FRMD4B: variants seen among roughly 807,000 people sequenced by gnomAD.
FRMD4B encodes FERM domain-containing protein 4B.
A neutral mutation model predicts 141.5 loss-of-function variants in FRMD4B; 74 were observed. The ratio of observed to expected loss-of-function variants is 0.52; its 90% CI spans 0.43 to 0.63. FRMD4B has a LOEUF of 0.63. Ranked by LOEUF, FRMD4B falls within the 30% of genes least tolerant of loss-of-function variation. FRMD4B has a pLI of 0.00. For missense variants in FRMD4B, 1,366 were observed against 1,253.4 expected, an observed-to-expected ratio of 1.09 and a Z score of -1.36; for synonymous variants, 506 against 467.9, an observed-to-expected ratio of 1.08 and a Z score of -1.05.
intron 1 of FRMD4B, among the ~76,000 whole-genome samples, chr3:69,328,552 T>C (rs988010718): frequency 2.0e-5 from 3 of 152,052 alleles, no homozygotes; most frequent in South Asian, 2.1e-4. Context: ...CAGGATGAGA[T>C]AGGAGGTCAG....
At chr3:69,426,321 CGT>C (rs55653336) in intron 2 of FRMD4B, among the ~76,000 whole-genome samples, 60 of 149,562 alleles carry the variant, frequency 4.0e-4, no homozygotes, top group Admixed American at 7.3e-4. Flanking sequence ...CTTTTAAAAG[CGT>C]GTGTGTGTGT....
At chr3:69,241,914 A>G (rs553079718) in intron 7 of FRMD4B, among the ~76,000 whole-genome samples, 40 of 152,104 alleles carry the variant, frequency 2.6e-4, no homozygotes, top group African/African-American at 8.7e-4. Flanking sequence ...CCCCCAAAAA[A>G]CAAAAAAGGA....
At chr3:69,354,432 CT>C (rs1252450368) in intron 1 of FRMD4B, among the ~76,000 whole-genome samples, 1 of 152,072 alleles carries the variant, frequency 6.6e-6, no homozygotes, top group East Asian at 1.9e-4. Flanking sequence ...TGGAATTTTG[CT>C]CAGGAGTATG....
At chr3:69,468,743 G>A (rs184623433) in intron 1 of FRMD4B, among the ~76,000 whole-genome samples, 1 of 152,276 alleles carries the variant, frequency 6.6e-6, no homozygotes, top group Non-Finnish European at 1.5e-5. Context: ...CAGAGGACAG[G>A]GGGAATGAAG....
At chr3:69,233,158 C>T (rs2093322289) in intron 7 of FRMD4B, among the ~76,000 whole-genome samples, 2 of 151,986 alleles carry the variant, frequency 1.3e-5, no homozygotes, top group Non-Finnish European at 2.9e-5. Context: ...GAAACAGCTA[C>T]AGAAGCTTCA....
chr3:69,241,607 A>T (rs1321684040), intron 7 of FRMD4B, among the ~76,000 whole-genome samples: 1 of 152,194 alleles, frequency 6.6e-6, no homozygotes, highest in African/African-American at 2.4e-5. Context: ...ATACAAAAAA[A>T]GAAACTGGTT....
intron 20 of FRMD4B, among the ~76,000 whole-genome samples, chr3:69,182,035 A>G (rs2092713720): frequency 6.6e-6 from 1 of 152,130 alleles, no homozygotes; most frequent in Admixed American, 6.5e-5. Context: ...AACAAAAACA[A>G]AAAACCCAAC....
intron 1 of FRMD4B, among the ~76,000 whole-genome samples, chr3:69,364,123 T>G (rs1479472714): frequency 1.3e-5 from 2 of 152,186 alleles, no homozygotes; most frequent in African/African-American, 4.8e-5. Context: ...GATGTTTAAA[T>G]CAGGCTTAGA....
intron 7 of FRMD4B, among the ~76,000 whole-genome samples, chr3:69,241,188 G>T (rs1055326515): frequency 3.3e-5 from 5 of 152,146 alleles, no homozygotes; most frequent in African/African-American, 1.2e-4. Context: ...GTTGCATCAG[G>T]TTTTTTTAAG....
chr3:69,291,286 GTA>G (rs1210776491), intron 4 of FRMD4B, among the ~76,000 whole-genome samples: 1 of 152,076 alleles, frequency 6.6e-6, no homozygotes, highest in Non-Finnish European at 1.5e-5. Flanking sequence ...AACAGGGACT[GTA>G]TTAAAAACAC....
At chr3:69,468,574 G>A (rs1705832323) in intron 1 of FRMD4B, among the ~76,000 whole-genome samples, 1 of 152,164 alleles carries the variant, frequency 6.6e-6, no homozygotes, top group Non-Finnish European at 1.5e-5. Context: ...CACTACTGGG[G>A]AAGGGAGATA....
intron 21 of FRMD4B, among the ~76,000 whole-genome samples, chr3:69,179,769 C>T (rs920907882): frequency 7.9e-5 from 12 of 152,168 alleles, no homozygotes; most frequent in African/African-American, 2.7e-4. Flanking sequence ...CATTTCTTAG[C>T]GTTTTAAAAT....
chr3:69,333,787 T>C lies in FRMD4B; in HGVS notation c.163-20270A>G, dbSNP rs138230138. On this transcript the variant is annotated intron_variant, in intron 1 of 22. Transcript: ENST00000398540. ...TGCTTTCCAGTGAATGACTATTTTT[T>C]GAGCACCTACTCTGTGCCAGGCTCT... Among the ~76,000 whole-genome samples, 318 of 152,346 alleles carry C rather than the reference T, an allele frequency of 2.1e-3. 3 individuals carry two copies. The highest frequency in any genetic ancestry group is 6.8e-3 in the Middle Eastern group (2 of 294).
At chr3:69,347,486 T>A (rs1204809408) in intron 1 of FRMD4B, among the ~76,000 whole-genome samples, 2 of 152,220 alleles carry the variant, frequency 1.3e-5, no homozygotes, top group African/African-American at 4.8e-5. Flanking sequence ...GTGGACCTAA[T>A]AGACATCTAC....
At chr3:69,220,687 A>C (rs2093185340) in intron 9 of FRMD4B, among the ~76,000 whole-genome samples, 1 of 152,168 alleles carries the variant, frequency 6.6e-6, no homozygotes, top group Non-Finnish European at 1.5e-5. Context: ...CCCTGTCTCT[A>C]CTAAAACTAC....
intron 21 of FRMD4B, among the ~76,000 whole-genome samples, chr3:69,178,586 C>T (rs778676486): frequency 1.3e-5 from 2 of 151,256 alleles, no homozygotes; most frequent in South Asian, 2.1e-4. Context: ...GAGGGAGGAT[C>T]GCGTTGAGCC....
intron 2 of FRMD4B, among the ~76,000 whole-genome samples, chr3:69,392,136 T>C (rs758010553): frequency 1.3e-5 from 2 of 152,184 alleles, no homozygotes; most frequent in Non-Finnish European, 1.5e-5. Context: ...AAATTACGTA[T>C]TGAGTTCGCA....
rs1702679021 is a variant in FRMD4B, at chr3:69,339,922, A to G, written c.163-26405T>C. 3.9e-5 allele frequency among the ~76,000 whole-genome samples: 6 copies of G among 152,102 alleles called. No homozygotes were observed. The South Asian group carries it at 1.2e-3, about 32-fold the overall frequency. ...AACCAATTAGGTTCTGATTGAACCTAATTCAATCAGAAAAAAACTCCCATC... is the reference window on the plus strand; with the variant it reads ...AACCAATTAGGTTCTGATTGAACCTGATTCAATCAGAAAAAAACTCCCATC... On this transcript the variant is annotated intron_variant, in intron 1 of 22. Coordinates refer to ENST00000398540, the MANE Select transcript of FRMD4B (RefSeq NM_015123.3).
chr3:69,284,978 A>G (rs1427442271), intron 5 of FRMD4B, among the ~76,000 whole-genome samples: 2 of 152,140 alleles, frequency 1.3e-5, no homozygotes, highest in Admixed American at 6.5e-5. Flanking sequence ...TCTGGCCAAC[A>G]TGGTGAAACA....
Sources: gnomAD v4.1 joint callset for allele counts (sites outside exome capture counted in the v4.1 genomes callset) on GRCh38, gnomAD v4.1.1 for gene constraint, MANE v1.5 for transcripts, NCBI Gene and HGNC (gene_info 2026-07-23, HGNC 2026-07-21) for gene names.